The following LRRC9 variants were observed in gnomAD, a reference collection of about 807,000 sequenced individuals.
LRRC9 encodes the protein leucine-rich repeat-containing protein 9.
A neutral mutation model predicts 63.2 loss-of-function variants in LRRC9; 122 were observed. The ratio of observed to expected loss-of-function variants is 1.93; its 90% CI spans 1.67 to 2.24. The LOEUF (loss-of-function observed/expected upper bound fraction) is 2.24. Ranked by LOEUF, LRRC9 falls within the 30% of genes most tolerant of loss-of-function variation. The pLI is 0.00. For synonymous variants in LRRC9, 366 were observed against 213.1 expected (o/e 1.72, Z -6.25); for missense variants, 1,071 against 627.7 (o/e 1.71, Z -7.55).
At chr14:59,992,513 G>T (rs1888262846) in intron 17 of LRRC9, among the ~76,000 whole-genome samples, 1 of 152,160 alleles carries the variant, frequency 6.6e-6, no homozygotes, top group African/African-American at 2.4e-5. Context: ...ACTACTCAGA[G>T]CTAAAGGAGG....
chr14:59,931,185 A>C (rs964608112), intron 4 of LRRC9, 127 bp downstream of exon 4: 5 of 293,368 alleles, frequency 1.7e-5, no homozygotes, highest in Non-Finnish European at 2.5e-5. Flanking sequence ...TATTGTTGTC[A>C]AAAAGAACTA....
chr14:59,957,816 G>A (rs751049446), intron 8 of LRRC9, among the ~76,000 whole-genome samples: 11 of 152,158 alleles, frequency 7.2e-5, no homozygotes, highest in Non-Finnish European at 1.5e-4. Flanking sequence ...GGGGTTTTGT[G>A]TGGGGGTCCT....
intron 3 of LRRC9, among the ~76,000 whole-genome samples, chr14:59,929,124 G>T (rs1174167230): frequency 6.6e-6 from 1 of 151,474 alleles, no homozygotes; most frequent in African/African-American, 2.4e-5. Flanking sequence ...CTATCAACAG[G>T]GTAAACAGAC....
intron 19 of LRRC9, among the ~76,000 whole-genome samples, chr14:60,001,000 A>G (rs967664609): frequency 6.6e-6 from 1 of 152,292 alleles, no homozygotes; most frequent in Non-Finnish European, 1.5e-5. Context: ...CCATATTAGC[A>G]TTCAAGAAAA....
chr14:60,020,171 C>T (rs1428189836), intron 26 of LRRC9, among the ~76,000 whole-genome samples: 2 of 151,832 alleles, frequency 1.3e-5, no homozygotes, highest in African/African-American at 4.8e-5. Context: ...ATAATTTTGC[C>T]TTTTTCCAGA....
chr14:60,015,084 CATTT>C (rs781081168), intron 23 of LRRC9, among the ~76,000 whole-genome samples: 5 of 152,136 alleles, frequency 3.3e-5, no homozygotes, highest in East Asian at 1.9e-4. Context: ...CTATCCATTG[CATTT>C]ATTTGTTTAC....
chr14:60,019,738 A>G (rs1205133615), intron 26 of LRRC9, among the ~76,000 whole-genome samples: 1 of 151,548 alleles, frequency 6.6e-6, no homozygotes, highest in African/African-American at 2.4e-5. Context: ...TTTCTAAATT[A>G]TTTATCTGGT....
At chr14:60,039,958 G>C (rs1892800998) in intron 29 of LRRC9, among the ~76,000 whole-genome samples, 1 of 150,588 alleles carries the variant, frequency 6.6e-6, no homozygotes, top group African/African-American at 2.5e-5. Context: ...ATTCTGGTAT[G>C]TTGTGCCTTT....
downstream of LRRC9, among the ~76,000 whole-genome samples, chr14:60,066,510 C>A (rs1894886222): frequency 6.6e-6 from 1 of 151,992 alleles, no homozygotes. Flanking sequence ...GGGCTAGAAA[C>A]CGGCTGGTTT....
intron 8 of LRRC9, among the ~76,000 whole-genome samples, chr14:59,947,534 G>C (rs1314595527): frequency 7.6e-6 from 1 of 131,908 alleles, no homozygotes; most frequent in African/African-American, 3.0e-5. Context: ...TGTCAATTTT[G>C]GCTTTTGTTG....
In LRRC9 at chr14:60,053,381, G is replaced by GCACA. The variant is rs1167051629; in HGVS notation, c.4131+177_4131+178insACAC. ...TGGATTTGGTGAATAGAGCATGCGTGCTCACACACACACACACACACACAC... is the reference window on the plus strand; with the variant it reads ...TGGATTTGGTGAATAGAGCATGCGTGCACACTCACACACACACACACACACACAC... On this transcript the variant is annotated intron_variant, in intron 30 of 31. Transcript: ENST00000445360. This position sits in a 1 kb window ranked among gnomAD's most constrained non-coding sequence, Gnocchi z 4.8. Among the ~76,000 whole-genome samples, 7 of 73,206 alleles carry GCACA rather than the reference G, an allele frequency of 9.6e-5. No individual in the cohort carries two copies. Among genetic ancestry groups the GCACA allele is most frequent in the South Asian group, 5.5e-4 (1 of 1,814 alleles). The allele number at this position is 73,206 out of a possible 152,430, so 48.0% of individuals were successfully genotyped here. A position where few individuals can be genotyped will look rare whatever the true frequency, so the allele number is the denominator to read the frequency against.
rs1013104549 is a variant in LRRC9 at position 59,927,158 on chromosome 14, T to A, written c.-33-753T>A. ...ATACATGCATTTACATATATACACATGTATACACACATGCCTATGGGGGAG... is the reference window on the plus strand; with the variant it reads ...ATACATGCATTTACATATATACACAAGTATACACACATGCCTATGGGGGAG... On this transcript the variant is annotated intron_variant, in intron 1 of 31. Coordinates refer to ENST00000445360, the Ensembl canonical transcript of LRRC9. The surrounding 1 kb of genome is among the most constrained non-coding windows in gnomAD (Gnocchi z 4.4). 4.6e-5 allele frequency among the ~76,000 whole-genome samples: 7 copies of A among 152,076 alleles called. No individual in the cohort carries two copies. Among genetic ancestry groups the A allele is most frequent in the Admixed American group, 2.0e-4 (3 of 15,266 alleles).
intron 27 of LRRC9, among the ~76,000 whole-genome samples, chr14:60,024,843 C>T (rs528086452): frequency 2.6e-5 from 4 of 151,444 alleles, no homozygotes; most frequent in African/African-American, 4.8e-5. Context: ...CCCCTTTTTG[C>T]GGTGTACTTA....
At chr14:60,033,521 A>T (rs1056963392) in intron 29 of LRRC9, among the ~76,000 whole-genome samples, 2 of 152,096 alleles carry the variant, frequency 1.3e-5, no homozygotes, top group African/African-American at 4.8e-5. Flanking sequence ...TTGCCTTTTC[A>T]GTAATTGGTA....
In LRRC9 at chr14:59,927,296, A is replaced by C. The variant is rs1889288531; in HGVS notation, c.-33-615A>C. Among the ~76,000 whole-genome samples, 1 of 152,078 alleles carries C rather than the reference A, an allele frequency of 6.6e-6. No homozygotes were observed. The highest frequency in any genetic ancestry group is 1.5e-5 in the Non-Finnish European group (1 of 67,936). On this transcript the variant is annotated intron_variant, in intron 1 of 31. Transcript: ENST00000445360. This position sits in a 1 kb window ranked among gnomAD's most constrained non-coding sequence, Gnocchi z 4.4. ...ATTTTTTAGATAGTATGTATCTGGA[A>C]TAATATACAGAAAATATTACAAATT...
intron 10 of LRRC9, among the ~76,000 whole-genome samples, chr14:59,963,266 T>G (rs1489806595): frequency 1.3e-5 from 2 of 152,204 alleles, no homozygotes; most frequent in Non-Finnish European, 2.9e-5. Context: ...ATTTCTTTTA[T>G]GAAATAAAAT....
In LRRC9 at chr14:59,958,790, C is replaced by CA. The variant is rs991513563; in HGVS notation, c.883-1023dup. 1.3e-5 allele frequency among the ~76,000 whole-genome samples: 2 copies of CA among 152,210 alleles called. No homozygotes were observed. Among genetic ancestry groups the CA allele is most frequent in the African/African-American group, 4.8e-5 (2 of 41,458 alleles). ...AGGGAATCTCCTGATCTGCAGATTGCAAAAACGGTGGGAAAAGCATAGTAA... is the reference window on the plus strand; with the variant it reads ...AGGGAATCTCCTGATCTGCAGATTGCAAAAAACGGTGGGAAAAGCATAGTAA... On this transcript the variant is annotated intron_variant, in intron 8 of 31. Coordinates refer to ENST00000445360, the Ensembl canonical transcript of LRRC9. This position sits in a 1 kb window ranked among gnomAD's most constrained non-coding sequence, Gnocchi z 4.0.
intron 10 of LRRC9, among the ~76,000 whole-genome samples, chr14:59,963,876 G>C (rs1164012747): frequency 6.6e-6 from 1 of 152,110 alleles, no homozygotes; most frequent in Non-Finnish European, 1.5e-5. Flanking sequence ...GGATTATAAA[G>C]TATATTTTAA....
At chr14:59,960,783 A>C (rs1245891050) in intron 9 of LRRC9, 131 bp from the exon 10 acceptor site, 8 of 481,128 alleles carry the variant, frequency 1.7e-5, no homozygotes, top group Non-Finnish European at 2.9e-5. Context: ...TTAACTGTTA[A>C]CACCAAGCTT....
Sources: allele counts gnomAD v4.1 joint callset (sites outside exome capture counted in the v4.1 genomes callset), GRCh38; gene constraint gnomAD v4.1.1; non-coding constraint Gnocchi (gnomAD v3.1); transcripts MANE v1.5; gene names NCBI Gene and HGNC (gene_info 2026-07-23, HGNC 2026-07-21).